Variants in ARHGEF26 observed in about 807,000 individuals in gnomAD.
The protein encoded by ARHGEF26 is Rho guanine nucleotide exchange factor 26.
Under a neutral mutation model 89.4 loss-of-function variants are expected in ARHGEF26, and 59 were observed. The observed-to-expected ratio is 0.66, with a 90% confidence interval of 0.54 to 0.82. The LOEUF (loss-of-function observed/expected upper bound fraction) is 0.82, where lower values mean the gene tolerates loss of function less well. Ranked by LOEUF, ARHGEF26 falls within the 40% of genes least tolerant of loss-of-function variation. The pLI is 0.00. For missense variants in ARHGEF26, 1,234 were observed against 1,085.6 expected (o/e 1.14, Z -1.92); for synonymous variants, 500 against 428.4 (o/e 1.17, Z -2.06).
chr3:154,254,060 C>A (rs531193175), intron 13 of ARHGEF26, among the ~76,000 whole-genome samples: 1 of 152,104 alleles, frequency 6.6e-6, no homozygotes. Flanking sequence ...AGACTACAGG[C>A]GCCCGCCACC....
At chr3:154,129,759 A>C in intron 4 of ARHGEF26, 40 bp downstream of exon 4, 1 of 1,568,942 alleles carries the variant, frequency 6.4e-7, no homozygotes, top group South Asian at 1.2e-5. Flanking sequence ...GTAGGAAAAA[A>C]ACAAGTTTTG....
intron 12 of ARHGEF26, among the ~76,000 whole-genome samples, chr3:154,251,341 G>A (rs1465093397): frequency 1.3e-5 from 2 of 152,198 alleles, no homozygotes; most frequent in African/African-American, 4.8e-5. Context: ...AGGTGCTTCA[G>A]AATATTATTT....
intron 6 of ARHGEF26, among the ~76,000 whole-genome samples, chr3:154,167,986 A>G (rs1330597979): frequency 6.6e-6 from 1 of 152,224 alleles, no homozygotes; most frequent in Non-Finnish European, 1.5e-5. Flanking sequence ...CTGTGTGATC[A>G]TTAGCTTGAT....
chr3:154,227,396 C>T (rs1054768994), intron 11 of ARHGEF26, among the ~76,000 whole-genome samples: 7 of 151,258 alleles, frequency 4.6e-5, no homozygotes, highest in South Asian at 2.1e-4. Flanking sequence ...CCCGGGTTCA[C>T]GCCATTCTCC....
chr3:154,174,711 C>G (rs1256921667), intron 6 of ARHGEF26, among the ~76,000 whole-genome samples: 1 of 152,012 alleles, frequency 6.6e-6, no homozygotes, highest in Non-Finnish European at 1.5e-5. Flanking sequence ...TATATTAGAG[C>G]ACCTAAAGGA....
intron 9 of ARHGEF26, among the ~76,000 whole-genome samples, chr3:154,199,462 C>T (rs1435675217): frequency 1.3e-5 from 2 of 152,052 alleles, no homozygotes; most frequent in Non-Finnish European, 2.9e-5. Flanking sequence ...ATTCTTTCAT[C>T]TACTGATGGA....
Position 154,169,099 on chromosome 3 carries a change from G to A in ARHGEF26, c.1487+16167G>A, listed in dbSNP as rs1712237823. ...TTATTACTTTATAGATGAGGAAAGG[G>A]GAGGCTCAGATGGAGGTAAAGTACC... is the stretch of plus-strand genomic sequence containing the variant. On this transcript the variant is annotated intron_variant, in intron 6 of 14. Coordinates refer to ENST00000465093, the MANE Select transcript of ARHGEF26 (RefSeq NM_015595.4). Among the ~76,000 whole-genome samples, 6 of 152,152 alleles carry A rather than the reference G, an allele frequency of 3.9e-5. No homozygotes were observed. In the South Asian group the frequency reaches 1.2e-3, roughly 32 times the overall value.
intron 3 of ARHGEF26, among the ~76,000 whole-genome samples, 192 bp downstream of exon 3, chr3:154,124,641 G>A (rs1431934047): frequency 1.3e-5 from 2 of 151,942 alleles, no homozygotes; most frequent in African/African-American, 2.4e-5. Context: ...TATAGTTAAT[G>A]GCATTTTTTA....
intron 9 of ARHGEF26, among the ~76,000 whole-genome samples, chr3:154,211,648 C>G (rs1715366843): frequency 6.6e-6 from 1 of 152,146 alleles, no homozygotes; most frequent in African/African-American, 2.4e-5. Context: ...GGTGTTTTCT[C>G]TGTGTAGATA....
In ARHGEF26 at chr3:154,122,976, C is replaced by G. The variant is rs1377719546; in HGVS notation, c.984C>G (p.Asp328Glu). The G allele has an allele frequency of 1.2e-6, 2 of 1,613,770 alleles. No individual in the cohort carries two copies. Among genetic ancestry groups the G allele is most frequent in the South Asian group, 1.1e-5 (1 of 91,004 alleles). ...CAGTGGTCAGTGGCTTTGATTTTGA[C>G]AGTCCTACCAGCTCGAAGAAGAAGA... Reference protein sequence around the residue: ...RRAVVSGFDFDSPTSSKKKNR... With the variant: ...RRAVVSGFDFESPTSSKKKNR... Residue 328 changes from aspartate to glutamate, a missense_variant, in exon 2 of 15, where the codon GAC (aspartate) becomes GAG (glutamate). By Grantham distance (45) the Asp-to-Glu change is conservative (BLOSUM62 2). Coordinates refer to ENST00000465093, the MANE Select transcript of ARHGEF26 (RefSeq NM_015595.4).
chr3:154,178,356 C>T (rs563049854), intron 6 of ARHGEF26, among the ~76,000 whole-genome samples: 1 of 152,186 alleles, frequency 6.6e-6, no homozygotes, highest in South Asian at 2.1e-4. Flanking sequence ...ATTTCATCAC[C>T]TCAAAAAGAA....
intron 6 of ARHGEF26, among the ~76,000 whole-genome samples, chr3:154,153,862 C>T (rs1365822174): frequency 6.6e-6 from 1 of 151,922 alleles, no homozygotes; most frequent in Non-Finnish European, 1.5e-5. Flanking sequence ...TTACCTCTAT[C>T]CTGGAGATTA....
rs772311674 is a variant in ARHGEF26 at position 154,122,145 on chromosome 3, C to T, written c.153C>T (p.Phe51=). ...QSPNGLLITD[F]PVEDGGTLLA... ...CCAACGGGTTACTAATTACGGATTTCCCGGTGGAGGACGGAGGGACGCTCC... is the reference window on the plus strand; with the variant it reads ...CCAACGGGTTACTAATTACGGATTTTCCGGTGGAGGACGGAGGGACGCTCC... The change falls in exon 2 of 15, where the codon TTC becomes TTT. Residue 51 remains phenylalanine, a synonymous_variant. Coordinates refer to ENST00000465093, the MANE Select transcript of ARHGEF26 (RefSeq NM_015595.4). The T allele has an allele frequency of 6.9e-6, 11 of 1,602,846 alleles. No individual in the cohort carries two copies. The highest frequency in any genetic ancestry group is 4.5e-5 in the South Asian group (4 of 89,360).
chr3:154,227,472 G>C (rs1007400711), intron 11 of ARHGEF26, among the ~76,000 whole-genome samples: 11 of 151,652 alleles, frequency 7.3e-5, no homozygotes, highest in African/African-American at 2.7e-4. Context: ...TAGTGGAGAT[G>C]GGGTTTCACC....
Position 154,204,895 on chromosome 3 carries a change from C to G in ARHGEF26, c.1845+10177C>G, listed in dbSNP as rs150681328. ...TCAAAGAATATGCTTGATATTACTT[C>G]AGAATTTTTGAATATTTTATGACTT... On this transcript the variant is annotated intron_variant, in intron 9 of 14. Coordinates refer to ENST00000465093, the MANE Select transcript of ARHGEF26 (RefSeq NM_015595.4). 2.8e-3 allele frequency among the ~76,000 whole-genome samples: 422 copies of G among 152,184 alleles called. 1 individual carries two copies. The highest frequency in any genetic ancestry group is 9.8e-3 in the African/African-American group (408 of 41,526).
At chr3:154,203,738 AT>A (rs199961289) in intron 9 of ARHGEF26, among the ~76,000 whole-genome samples, 13 of 148,226 alleles carry the variant, frequency 8.8e-5, no homozygotes, top group African/African-American at 2.5e-4. Flanking sequence ...TGAAATGATC[AT>A]TTTTTTTTGT....
intron 11 of ARHGEF26, among the ~76,000 whole-genome samples, chr3:154,233,596 T>G (rs1716938916): frequency 6.6e-6 from 1 of 152,238 alleles, no homozygotes; most frequent in African/African-American, 2.4e-5. Flanking sequence ...AGGGATTTAA[T>G]GCACGACAGT....
At chr3:154,228,258 C>T (rs1416651165) in intron 11 of ARHGEF26, among the ~76,000 whole-genome samples, 12 of 151,840 alleles carry the variant, frequency 7.9e-5, no homozygotes, top group Non-Finnish European at 1.3e-4. Context: ...CTGCCTCAGC[C>T]TCCTGAGTAG....
chr3:154,202,729 G>A (rs1185560564), intron 9 of ARHGEF26, among the ~76,000 whole-genome samples: 1 of 148,316 alleles, frequency 6.7e-6, no homozygotes, highest in Non-Finnish European at 1.5e-5. Flanking sequence ...TCCCTTGTAA[G>A]TTGGATTCCT....
Sources: allele counts gnomAD v4.1 joint callset (sites outside exome capture counted in the v4.1 genomes callset), GRCh38; gene constraint gnomAD v4.1.1; transcripts MANE v1.5; gene names NCBI Gene and HGNC (gene_info 2026-07-23, HGNC 2026-07-21).